GNAZ: variants seen among roughly 807,000 people sequenced by gnomAD.
GNAZ encodes the protein G protein subunit alpha z, also known as guanine nucleotide-binding protein G(z) subunit alpha.
GNAZ carries 3 observed loss-of-function variants against 25.4 expected under a neutral mutation model. The observed-to-expected ratio is 0.12, with a 90% CI of 0.05 to 0.30. GNAZ has a LOEUF of 0.30. GNAZ is among the 10% of genes least tolerant of loss of function. The probability of loss-of-function intolerance (pLI) is 1.00; values close to 1 mark genes in which losing one functional copy is unlikely to be tolerated. For synonymous variants in GNAZ, 211 were observed against 205.7 expected (o/e 1.03, Z -0.22); for missense variants, 241 against 501.8 (o/e 0.48, Z 4.97).
chr22:23,089,320 G>A (rs2068898379), intron 1 of GNAZ, among the ~76,000 whole-genome samples: 1 of 152,202 alleles, frequency 6.6e-6, no homozygotes, highest in African/African-American at 2.4e-5. Context: ...TTGTGGAGGA[G>A]GCCTTGAGCA....
intron 1 of GNAZ, among the ~76,000 whole-genome samples, chr22:23,090,821 T>C (rs2068950317): frequency 6.6e-6 from 1 of 152,184 alleles, no homozygotes. Flanking sequence ...TTGCTGCTTA[T>C]TTACTGCCTG....
At chr22:23,097,049 G>A (rs921313038) in intron 2 of GNAZ, among the ~76,000 whole-genome samples, 1 of 152,212 alleles carries the variant, frequency 6.6e-6, no homozygotes, top group African/African-American at 2.4e-5. Flanking sequence ...CACACGAAGG[G>A]GGCCACAGCC....
At chr22:23,091,606 A>G (rs965629924) in intron 1 of GNAZ, among the ~76,000 whole-genome samples, 1 of 151,458 alleles carries the variant, frequency 6.6e-6, no homozygotes, top group African/African-American at 2.4e-5. Context: ...GCACCTATGC[A>G]TACACGCATA....
intron 1 of GNAZ, 145 bp downstream of exon 1, chr22:23,070,715 C>T (rs1473381460): frequency 6.6e-6 from 1 of 152,254 alleles, no homozygotes; most frequent in Non-Finnish European, 1.5e-5. Context: ...CAGGGATGCC[C>T]CTCAGGGGTG....
intron 2 of GNAZ, chr22:23,122,667 C>T (rs542476346): frequency 3.1e-5 from 6 of 195,756 alleles, no homozygotes; most frequent in Non-Finnish European, 6.4e-5. Flanking sequence ...TATGATGTGA[C>T]GGGGGCTCCT....
Position 23,096,343 on chromosome 22 carries a change from C to T in GNAZ, c.648C>T (p.Phe216=), listed in dbSNP as rs879063101. 3.7e-6 allele frequency: 6 copies of T among 1,613,540 alleles called. No homozygotes were observed. Among genetic ancestry groups the T allele is most frequent in the East Asian group, 4.5e-5 (2 of 44,884 alleles). Residue 216 remains phenylalanine (F), a synonymous_variant, in exon 2 of 3, where the codon TTC becomes TTT. Coordinates refer to ENST00000615612, the MANE Select transcript of GNAZ (RefSeq NM_002073.4). The stretch of plus-strand genomic sequence containing the variant: ...AGCGCAAAAAGTGGATCCACTGCTT[C>T]GAGGGCGTCACAGCCATCATCTTCT... ...RSERKKWIHC[F]EGVTAIIFCV...
chr22:23,075,202 T>C (rs2068479252), intron 1 of GNAZ, among the ~76,000 whole-genome samples: 1 of 152,130 alleles, frequency 6.6e-6, no homozygotes, highest in African/African-American at 2.4e-5. Context: ...CCCACAGCAT[T>C]TCTCCTCCCT....
chr22:23,074,632 C>T (rs1396322465), intron 1 of GNAZ, among the ~76,000 whole-genome samples: 2 of 152,086 alleles, frequency 1.3e-5, no homozygotes, highest in African/African-American at 2.4e-5. Flanking sequence ...TAGGTAGGAT[C>T]AGAAGAGGCT....
chr22:23,099,432 C>T (rs559727308), intron 2 of GNAZ, among the ~76,000 whole-genome samples: 2 of 152,386 alleles, frequency 1.3e-5, no homozygotes, highest in South Asian at 2.1e-4. Flanking sequence ...AGCCCAACAC[C>T]CAGCTGGGGC....
chr22:23,074,405 C>T (rs1476479788), intron 1 of GNAZ, among the ~76,000 whole-genome samples: 1 of 152,058 alleles, frequency 6.6e-6, no homozygotes, highest in Non-Finnish European at 1.5e-5. Context: ...TGGTCTGAAC[C>T]AGTAGAAAGA....
At chr22:23,098,273 C>T (rs1026664974) in intron 2 of GNAZ, among the ~76,000 whole-genome samples, 1 of 152,238 alleles carries the variant, frequency 6.6e-6, no homozygotes, top group Admixed American at 6.5e-5. Flanking sequence ...GTACCCCTGC[C>T]CTTATCCTCC....
At chr22:23,092,434 T>C (rs958725310) in intron 1 of GNAZ, among the ~76,000 whole-genome samples, 2 of 152,070 alleles carry the variant, frequency 1.3e-5, no homozygotes, top group African/African-American at 4.8e-5. Flanking sequence ...GGGAGAATTC[T>C]GGGTGGGGCC....
At chr22:23,097,960 T>C (rs941629987) in intron 2 of GNAZ, among the ~76,000 whole-genome samples, 1 of 152,234 alleles carries the variant, frequency 6.6e-6, no homozygotes, top group Non-Finnish European at 1.5e-5. Context: ...TGCCCACAGG[T>C]GTGCTGGACA....
intron 2 of GNAZ, among the ~76,000 whole-genome samples, chr22:23,103,204 T>C (rs1407579891): frequency 6.6e-6 from 1 of 152,150 alleles, no homozygotes; most frequent in Non-Finnish European, 1.5e-5. Flanking sequence ...TGTTTGACAT[T>C]ATATTTGTGG....
intron 1 of GNAZ, among the ~76,000 whole-genome samples, chr22:23,092,403 A>T (rs1042213072): frequency 1.3e-5 from 2 of 151,854 alleles, no homozygotes; most frequent in African/African-American, 2.4e-5. Context: ...CCCAAACACA[A>T]CACAGCCCCA....
At chr22:23,082,548 T>C (rs914366596) in intron 1 of GNAZ, among the ~76,000 whole-genome samples, 2 of 152,098 alleles carry the variant, frequency 1.3e-5, no homozygotes, top group Admixed American at 6.5e-5. Context: ...ATTTTTGTTT[T>C]GCATGTGAAG....
intron 1 of GNAZ, among the ~76,000 whole-genome samples, chr22:23,072,962 C>A (rs993370362): frequency 1.3e-5 from 2 of 152,212 alleles, no homozygotes; most frequent in African/African-American, 4.8e-5. Flanking sequence ...AAGGGCTGCC[C>A]AGGGCCCCCG....
In GNAZ at chr22:23,096,235, C is replaced by G. The variant is rs1297276620; in HGVS notation, c.540C>G (p.Asp180Glu). The change falls in exon 2 of 3, where the codon GAC becomes GAG. Residue 180 changes from aspartate to glutamate, a missense_variant. Physicochemically the swap from Asp to Glu is conservative, Grantham distance 45. Coordinates refer to ENST00000615612, the MANE Select transcript of GNAZ (RefSeq NM_002073.4). ...TCGAGGACATCCTGCGCTCCCGGGACATGACCACGGGCATTGTGGAGAACA... is the reference window on the plus strand; with the variant it reads ...TCGAGGACATCCTGCGCTCCCGGGAGATGACCACGGGCATTGTGGAGAACA... Reference protein sequence around the residue: ...PTVEDILRSRDMTTGIVENKF... With the variant: ...PTVEDILRSREMTTGIVENKF... The G allele has an allele frequency of 6.2e-7, 1 of 1,613,908 alleles. No homozygotes were observed. Among genetic ancestry groups the G allele is most frequent in the South Asian group, 1.1e-5 (1 of 91,082 alleles).
intron 2 of GNAZ, among the ~76,000 whole-genome samples, chr22:23,117,370 A>C (rs1034330951): frequency 6.6e-6 from 1 of 152,252 alleles, no homozygotes; most frequent in Non-Finnish European, 1.5e-5. Flanking sequence ...AAGGGGCCAC[A>C]GGAGCCTCCC....
Sources: gnomAD v4.1 joint callset for allele counts (sites outside exome capture counted in the v4.1 genomes callset) on GRCh38, gnomAD v4.1.1 for gene constraint, MANE v1.5 for transcripts, NCBI Gene and HGNC (gene_info 2026-07-23, HGNC 2026-07-21) for gene names.